DLGAP1: variants seen among roughly 807,000 people sequenced by gnomAD.
DLGAP1 encodes the protein disks large-associated protein 1.
A neutral mutation model predicts 90.8 loss-of-function variants in DLGAP1; 11 were observed. That is an observed-to-expected ratio of 0.12 (90% CI 0.08 to 0.20). The LOEUF (loss-of-function observed/expected upper bound fraction) is 0.20, where lower values mean the gene tolerates loss of function less well. Among genes scored for constraint, DLGAP1 ranks in the 10% least tolerant of loss-of-function variants. The probability of loss-of-function intolerance (pLI) is 1.00; values close to 1 mark genes in which losing one functional copy is unlikely to be tolerated. For synonymous variants in DLGAP1, 558 were observed against 540.7 expected, an observed-to-expected ratio of 1.03 and a Z score of -0.44; for missense variants, 1,050 against 1,333.8, an observed-to-expected ratio of 0.79 and a Z score of 3.31.
In DLGAP1 at chr18:3,639,080, G is replaced by A. The variant is rs997374449; in HGVS notation, c.1592-56832C>T. Among the ~76,000 whole-genome samples, 3 of 152,288 alleles carry A rather than the reference G, an allele frequency of 2.0e-5. No individual in the cohort carries two copies. In the South Asian group the frequency reaches 6.2e-4, roughly 32 times the overall value. ...GTTTTGAAAGGAAAAATCTGGCCAG[G>A]CACAGTGGCTCACGCCTGTAATCCC... On this transcript the variant is annotated intron_variant, in intron 7 of 12. Coordinates refer to ENST00000315677, the MANE Select transcript of DLGAP1 (RefSeq NM_004746.4).
rs2062352090 is a variant in DLGAP1, at chr18:3,729,771, T to G, written c.1351-396A>C. Reference sequence around the variant, plus strand: ...GAACGCAAGGAAATGTGGGGCTTATTCCAACGCATGACATTCTTATTTATA... The same window carrying G: ...GAACGCAAGGAAATGTGGGGCTTATGCCAACGCATGACATTCTTATTTATA... On this transcript the variant is annotated intron_variant, in intron 6 of 12. Coordinates refer to ENST00000315677, the MANE Select transcript of DLGAP1 (RefSeq NM_004746.4). This position sits in a 1 kb window ranked among gnomAD's most constrained non-coding sequence, Gnocchi z 6.2. 6.6e-6 allele frequency among the ~76,000 whole-genome samples: 1 copy of G among 152,194 alleles called. No individual in the cohort carries two copies. Among genetic ancestry groups the G allele is most frequent in the Non-Finnish European group, 1.5e-5 (1 of 68,042 alleles).
At chr18:3,789,000 T>C (rs1185756173) in intron 5 of DLGAP1, among the ~76,000 whole-genome samples, 1 of 152,260 alleles carries the variant, frequency 6.6e-6, no homozygotes, top group African/African-American at 2.4e-5. Context: ...AGATCATTTA[T>C]ACATTTATCG....
chr18:3,603,375 T>A (rs1664950864), intron 7 of DLGAP1: 1 of 151,840 alleles, frequency 6.6e-6, no homozygotes, highest in Admixed American at 6.6e-5. Flanking sequence ...GGCAGGAAAT[T>A]GTGTTTGTCT....
chr18:3,948,510 G>A (rs989202305), intron 3 of DLGAP1, among the ~76,000 whole-genome samples: 7 of 152,176 alleles, frequency 4.6e-5, no homozygotes, highest in South Asian at 2.1e-4. Context: ...TGGATCTAGC[G>A]TGTTGTCTTG....
At chr18:3,655,932 G>T in intron 7 of DLGAP1, 1 of 718,312 alleles carries the variant, frequency 1.4e-6, no homozygotes. Flanking sequence ...AGCATAAAAT[G>T]ACCAGAACAA....
At chr18:4,136,749 C>T (rs2076407972) in intron 2 of DLGAP1, among the ~76,000 whole-genome samples, 2 of 152,136 alleles carry the variant, frequency 1.3e-5, no homozygotes, top group South Asian at 4.1e-4. Context: ...CTTGATATGT[C>T]CTATTTTTTC....
chr18:4,097,808 T>A, intron 2 of DLGAP1, among the ~76,000 whole-genome samples: 1 of 152,378 alleles, frequency 6.6e-6, no homozygotes, highest in Admixed American at 6.5e-5. Flanking sequence ...TCAGAAACCA[T>A]TGAATGTCAA....
At chr18:3,839,165 T>C (rs963194716) in intron 4 of DLGAP1, among the ~76,000 whole-genome samples, 1 of 152,218 alleles carries the variant, frequency 6.6e-6, no homozygotes, top group African/African-American at 2.4e-5. Flanking sequence ...TTATTCTCTT[T>C]ATCTTATGAT....
chr18:3,634,633 A>G (rs2058634260), intron 7 of DLGAP1, among the ~76,000 whole-genome samples: 2 of 152,234 alleles, frequency 1.3e-5, no homozygotes, highest in South Asian at 4.1e-4. Flanking sequence ...TCCTTTTAAG[A>G]CACACTTTGT....
chr18:4,432,608 G>C (rs945079249), intron 1 of DLGAP1, among the ~76,000 whole-genome samples: 11 of 152,030 alleles, frequency 7.2e-5, no homozygotes, highest in African/African-American at 2.7e-4. Flanking sequence ...GTGTGTGTGT[G>C]TGTGTGTGTG....
At chr18:3,574,086 C>T (rs2054966219) in intron 8 of DLGAP1, among the ~76,000 whole-genome samples, 1 of 152,140 alleles carries the variant, frequency 6.6e-6, no homozygotes, top group Non-Finnish European at 1.5e-5. Context: ...TAAAATTTGC[C>T]AACATTAAGC....
chr18:3,950,146 A>G (rs2072955767), intron 3 of DLGAP1, among the ~76,000 whole-genome samples: 1 of 152,220 alleles, frequency 6.6e-6, no homozygotes, highest in Admixed American at 6.5e-5. Context: ...TAGCTTGAGT[A>G]CCCCTAAAAA....
chr18:4,089,878 T>C (rs894415953), intron 2 of DLGAP1, among the ~76,000 whole-genome samples: 4 of 152,128 alleles, frequency 2.6e-5, no homozygotes, highest in East Asian at 1.9e-4. Flanking sequence ...ACCCCGTCTC[T>C]ACTAAAAACA....
chr18:3,636,859 G>T (rs1399742565), intron 7 of DLGAP1, among the ~76,000 whole-genome samples: 3 of 150,578 alleles, frequency 2.0e-5, no homozygotes, highest in African/African-American at 7.4e-5. Context: ...CAAGCAGCTG[G>T]GACTACAGGT....
At chr18:4,191,088 T>C (rs1227708153) in intron 1 of DLGAP1, among the ~76,000 whole-genome samples, 2 of 152,110 alleles carry the variant, frequency 1.3e-5, no homozygotes, top group Non-Finnish European at 2.9e-5. Context: ...ATTTTTTTCA[T>C]TCATGGACGT....
chr18:3,669,535 G>T (rs1425977083), intron 7 of DLGAP1, among the ~76,000 whole-genome samples: 1 of 152,206 alleles, frequency 6.6e-6, no homozygotes, highest in African/African-American at 2.4e-5. Context: ...CTGGTCATTA[G>T]AGAGCATGTC....
At chr18:3,974,521 G>A (rs2073528505) in intron 3 of DLGAP1, among the ~76,000 whole-genome samples, 1 of 152,170 alleles carries the variant, frequency 6.6e-6, no homozygotes, top group Non-Finnish European at 1.5e-5. Context: ...GAGAGAAAAA[G>A]TCCAGCTTTT....
intron 3 of DLGAP1, among the ~76,000 whole-genome samples, chr18:3,926,645 T>TATA (rs986005682): frequency 1.3e-5 from 2 of 151,776 alleles, no homozygotes; most frequent in African/African-American, 4.9e-5. Flanking sequence ...GCTCTCTATA[T>TATA]ATCTATAGGT....
chr18:4,247,089 G>T (rs2078667874), intron 1 of DLGAP1, among the ~76,000 whole-genome samples: 1 of 152,042 alleles, frequency 6.6e-6, no homozygotes, highest in South Asian at 2.1e-4. Flanking sequence ...AGGAGGAGAA[G>T]GAAGGGAAGG....
Sources: allele counts gnomAD v4.1 joint callset (sites outside exome capture counted in the v4.1 genomes callset), GRCh38; gene constraint gnomAD v4.1.1; non-coding constraint Gnocchi (gnomAD v3.1); transcripts MANE v1.5; gene names NCBI Gene and HGNC (gene_info 2026-07-23, HGNC 2026-07-21).